The following NLRC3 variants were observed in gnomAD, a reference collection of about 807,000 sequenced individuals.
NLRC3 encodes the protein NLR family CARD domain-containing protein 3.
NLRC3 carries 87 observed loss-of-function variants against 91.6 expected under a neutral mutation model. The ratio of observed to expected loss-of-function variants is 0.95; its 90% CI spans 0.80 to 1.14. NLRC3 has a LOEUF of 1.14. Ranked by LOEUF, NLRC3 falls within the 50% of genes most tolerant of loss-of-function variation. The pLI, the probability that NLRC3 is intolerant of heterozygous loss-of-function variation, is 0.00. For synonymous variants in NLRC3, 694 were observed against 625.3 expected (o/e 1.11, Z -1.64); for missense variants, 1,577 against 1,418.6 (o/e 1.11, Z -1.79).
chr16:3,548,737 G>T lies in NLRC3; in HGVS notation c.2620C>A (p.Leu874Ile). 1.9e-6 allele frequency: 3 copies of T among 1,603,942 alleles called. No individual in the cohort carries two copies. Among genetic ancestry groups the T allele is most frequent in the African/African-American group, 2.7e-5 (2 of 74,946 alleles). Residue 874 changes from leucine (L) to isoleucine (I), a missense_variant, in exon 14 of 20, where the codon CTC becomes ATC. Leu to Ile is a conservative substitution (Grantham distance 5). Coordinates refer to ENST00000359128, the MANE Select transcript of NLRC3 (RefSeq NM_178844.4). ...LKNLDLTANL[L>I]HDQGARAIAV... ...ATGGCCCGGGCACCCTGGTCGTGGA[G>T]GAGGTTGGCTGTCAGGCTAGGAGGA...
rs570909972 is a variant in NLRC3, at chr16:3,563,853, C to T, written c.1084G>A (p.Glu362Lys). The change falls in exon 5 of 20, where the codon GAG becomes AAG. Residue 362 changes from glutamate (E) to lysine (K), a missense_variant. Coordinates refer to ENST00000359128, the MANE Select transcript of NLRC3 (RefSeq NM_178844.4). ...AELWPPRTLC[E>K]LYSWYFRMAL... ...ATCCTAAAGTACCATGAGTAGAGCT[C>T]GCACAGGGTCCTCGGGGGCCACAGC... 8.7e-6 allele frequency: 14 copies of T among 1,605,518 alleles called. No individual in the cohort carries two copies. Among genetic ancestry groups the T allele is most frequent in the Middle Eastern group, 1.7e-4 (1 of 6,022 alleles).
chr16:3,543,205 C>A, intron 17 of NLRC3: 1 of 543,172 alleles, frequency 1.8e-6, no homozygotes, highest in Non-Finnish European at 3.3e-6. Flanking sequence ...GGCCTCTAGA[C>A]GTGTTCAGCC....
intron 10 of NLRC3, among the ~76,000 whole-genome samples, chr16:3,551,609 A>T (rs146400790): frequency 0.018 from 2,780 of 151,606 alleles, 88 homozygotes; most frequent in African/African-American, 0.06. Context: ...CCACCCATCC[A>T]TCCATCCATC....
intron 10 of NLRC3, 23 bp from the exon 11 acceptor site, chr16:3,550,520 G>A (rs371335374): frequency 6.4e-7 from 1 of 1,567,156 alleles, no homozygotes; most frequent in African/African-American, 1.4e-5. Flanking sequence ...GGATATGGAT[G>A]AGCCAGCCTC....
Position 3,564,519 on chromosome 16 carries a change from C to G in NLRC3, c.418G>C (p.Val140Leu), listed in dbSNP as rs1015252693. Residue 140 changes from valine (V) to leucine (L), a missense_variant, in exon 5 of 20, where the codon GTC becomes CTC. By Grantham distance (32) the Val-to-Leu change is conservative. Coordinates refer to ENST00000359128, the MANE Select transcript of NLRC3 (RefSeq NM_178844.4). This position sits in a 1 kb window ranked among gnomAD's most constrained non-coding sequence, Gnocchi z 5.9. ...PLSRVSVPPR[V>L]SITIGVAGMG... ...CCGGCCACCCCGATAGTGATGGAGA[C>G]CCGGGGTGGGACAGACACCCGGGAG... 1 of 1,612,132 alleles carries G rather than the reference C, an allele frequency of 6.2e-7. No homozygotes were observed. Among genetic ancestry groups the G allele is most frequent in the African/African-American group, 1.3e-5 (1 of 74,944 alleles).
At chr16:3,565,860 A>G (rs547333170) in intron 2 of NLRC3, among the ~76,000 whole-genome samples, 1 of 151,670 alleles carries the variant, frequency 6.6e-6, no homozygotes, top group African/African-American at 2.4e-5. Flanking sequence ...TGGGCAACAT[A>G]GTGAGAACCC....
In NLRC3 at chr16:3,564,582, C is replaced by T. The variant is rs376534004; in HGVS notation, c.355G>A (p.Ala119Thr). Residue 119 changes from alanine to threonine, a missense_variant, in exon 5 of 20, where the codon GCC (alanine) becomes ACC (threonine). Coordinates refer to ENST00000359128, the MANE Select transcript of NLRC3 (RefSeq NM_178844.4). The surrounding 1 kb of genome is among the most constrained non-coding windows in gnomAD (Gnocchi z 5.9). ...AGCCGGTCCAGGGCGACGGTCCTGG[C>T]GGGGTGCCCGCCCCCGCGGGTGGCC... is the stretch of plus-strand genomic sequence containing the variant. ...VEATRGGGHP[A>T]RTVALDRLFL... is the part of the protein sequence containing the mutation. 60 of 1,611,374 alleles carry T rather than the reference C, an allele frequency of 3.7e-5. No individual in the cohort carries two copies. Among genetic ancestry groups the T allele is most frequent in the African/African-American group, 8.0e-5 (6 of 74,940 alleles).
intron 5 of NLRC3, among the ~76,000 whole-genome samples, chr16:3,562,030 C>A (rs945128358): frequency 6.6e-6 from 1 of 152,230 alleles, no homozygotes. Context: ...CACCACCCCA[C>A]ATACCGCCTG....
At position 3,563,817 on chromosome 16, in the gene NLRC3, C is replaced by T. The variant is rs141848275; in HGVS notation, c.1120G>A (p.Gly374Arg). 249 of 1,609,612 alleles carry T rather than the reference C, an allele frequency of 1.5e-4. 1 individual carries two copies. In the East Asian group the frequency reaches 5.2e-3, roughly 33 times the overall value. The change falls in exon 5 of 20, where the codon GGG (glycine) becomes AGG (arginine). Residue 374 changes from glycine to arginine, a missense_variant. Coordinates refer to ENST00000359128, the MANE Select transcript of NLRC3 (RefSeq NM_178844.4). ...YSWYFRMALS[G>R]EGQEKGKASP... ...GCCTTGCCCTTCTCCTGCCCCTCCC[C>T]GCTGAGGGCCATCCTAAAGTACCAT...
At position 3,564,353 on chromosome 16, in the gene NLRC3, C is replaced by G. The variant is rs2151100831; in HGVS notation, c.584G>C (p.Cys195Ser). 1 of 1,611,904 alleles carries G rather than the reference C, an allele frequency of 6.2e-7. No individual in the cohort carries two copies. Among genetic ancestry groups the G allele is most frequent in the East Asian group, 2.2e-5 (1 of 44,878 alleles). Residue 195 changes from cysteine to serine, a missense_variant, in exon 5 of 20, where the codon TGC becomes TCC. By Grantham distance (112) the Cys-to-Ser change is moderately radical (BLOSUM62 -1). Transcript: ENST00000359128. The surrounding 1 kb of genome is among the most constrained non-coding windows in gnomAD (Gnocchi z 5.9). ...CTCCCCGACGTGCGGGAAGACCGAGCAGATGAGTCGGTCGGCACACAGCTT... is the reference window on the plus strand; with the variant it reads ...CTCCCCGACGTGCGGGAAGACCGAGGAGATGAGTCGGTCGGCACACAGCTT... ...HEKLCADRLI[C>S]SVFPHVGEPS...
At chr16:3,545,635 C>A (rs1209222184) in intron 15 of NLRC3, 2 of 152,248 alleles carry the variant, frequency 1.3e-5, no homozygotes, top group Non-Finnish European at 2.9e-5. Flanking sequence ...TGAGCAGGTA[C>A]AACAGGCCAA....
At chr16:3,576,589 T>G (rs562121699) in intron 1 of NLRC3, among the ~76,000 whole-genome samples, 1 of 152,338 alleles carries the variant, frequency 6.6e-6, no homozygotes, top group African/African-American at 2.4e-5. Context: ...CACTGGTACC[T>G]GGGGGAGCTG....
At chr16:3,543,788 G>A (rs984268372) in intron 16 of NLRC3, 20 of 462,588 alleles carry the variant, frequency 4.3e-5, no homozygotes, top group Non-Finnish European at 7.9e-5. Context: ...CTAGGTGTTT[G>A]AGCCCCCAAC....
intron 2 of NLRC3, among the ~76,000 whole-genome samples, chr16:3,566,853 T>A (rs2039904317): frequency 1.3e-5 from 2 of 152,182 alleles, no homozygotes; most frequent in South Asian, 4.1e-4. Flanking sequence ...ATTGCGCCAC[T>A]GCACTCCAGT....
In NLRC3 at chr16:3,541,910, T is replaced by G; in HGVS notation, c.3113A>C (p.Gln1038Pro). 1 of 1,602,748 alleles carries G rather than the reference T, an allele frequency of 6.2e-7. No homozygotes were observed. The highest frequency in any genetic ancestry group is 1.7e-4 in the Middle Eastern group (1 of 6,040). Residue 1038 changes from glutamine to proline, a missense_variant, in exon 20 of 20, where the codon CAG becomes CCG. Transcript: ENST00000359128. ...GNHRLQHINL[Q>P]GNHIGDSGAR... ...CCCGGAGTCCCCAATGTGGTTTCCC[T>G]GGAGACTAGAAGAGTAGGGTTAAGG... is the stretch of plus-strand genomic sequence containing the variant.
chr16:3,553,006 C>T (rs1177135654), intron 9 of NLRC3, among the ~76,000 whole-genome samples: 1 of 152,208 alleles, frequency 6.6e-6, no homozygotes, highest in South Asian at 2.1e-4. Flanking sequence ...GAAAAAGCTG[C>T]TTCCTCTTGT....
chr16:3,547,307 C>G (rs75507622), intron 15 of NLRC3, among the ~76,000 whole-genome samples: 3 of 152,174 alleles, frequency 2.0e-5, no homozygotes, highest in Non-Finnish European at 4.4e-5. Context: ...GGCCACGTGT[C>G]GTATGATTCT....
chr16:3,555,171 A>T lies in NLRC3; in HGVS notation c.2184-846T>A, dbSNP rs1339784495. Among the ~76,000 whole-genome samples the T allele has an allele frequency of 5.3e-5, 8 of 150,148 alleles. No homozygotes were observed. The Middle Eastern group carries it at 0.021, about 386-fold the overall frequency. On this transcript the variant is annotated intron_variant, in intron 8 of 19. Transcript: ENST00000359128. ...CTTGAACCTGGAAGGCAGAGGTTGC[A>T]GTGAGCTAAGATCACGCCACTGCAC...
In NLRC3 at chr16:3,577,196, G is replaced by A. The variant is rs919017386; in HGVS notation, c.-216C>T. On this transcript the variant is annotated 5_prime_UTR_variant, in exon 1 of 20. Transcript: ENST00000359128. ...CAGGGACAGCAAGACTGGGGGGCCT[G>A]GGGGCGTCCATCTCCATGCTCCTGG... 1.4e-6 allele frequency: 1 copy of A among 702,878 alleles called. No individual in the cohort carries two copies. The highest frequency in any genetic ancestry group is 1.7e-5 in the African/African-American group (1 of 57,254). 43.5% of individuals were successfully genotyped at this position (702,878 alleles called of 1,614,324 possible). A position where few individuals can be genotyped will look rare whatever the true frequency, so the allele number is the denominator to read the frequency against.
Sources: gnomAD v4.1 joint callset for allele counts (sites outside exome capture counted in the v4.1 genomes callset) on GRCh38, gnomAD v4.1.1 for gene constraint, Gnocchi (gnomAD v3.1) non-coding constraint, MANE v1.5 for transcripts, NCBI Gene and HGNC (gene_info 2026-07-23, HGNC 2026-07-21) for gene names.